The following RGS6 variants were observed in gnomAD, a reference collection of about 807,000 sequenced individuals.
RGS6 encodes regulator of G protein signaling 6.
A neutral mutation model predicts 78.5 loss-of-function variants in RGS6; 30 were observed. That is an observed-to-expected ratio of 0.38 (90% CI 0.29 to 0.52). The LOEUF (loss-of-function observed/expected upper bound fraction) is 0.52, where lower values mean the gene tolerates loss of function less well. RGS6 is among the 20% of genes least tolerant of loss of function. The pLI is 0.85. For synonymous variants in RGS6, 206 were observed against 206.0 expected (o/e 1.00, Z 0.00); for missense variants, 495 against 609.7 (o/e 0.81, Z 1.98).
In RGS6 at chr14:72,540,107, G is replaced by A. The variant is rs1215342468; in HGVS notation, c.1422+13G>A. ...CACTCGCAGTGTGGTAAGTTCAGTC[G>A]GTTTTCTTCCCTCAGCTTTTCTTTT... On this transcript the variant is annotated intron_variant, in intron 17 of 17. Transcript: ENST00000553525. 24 of 1,579,386 alleles carry A rather than the reference G, an allele frequency of 1.5e-5. No homozygotes were observed. The highest frequency in any genetic ancestry group is 3.6e-5 in the Admixed American group (2 of 56,046).
chr14:72,117,977 C>T (rs1166839023), intron 2 of RGS6, among the ~76,000 whole-genome samples: 1 of 152,170 alleles, frequency 6.6e-6, no homozygotes, highest in Non-Finnish European at 1.5e-5. Context: ...CTAGCTCTTT[C>T]CATCTATCCA....
At chr14:72,377,607 T>C (rs1337409370) in intron 3 of RGS6, among the ~76,000 whole-genome samples, 5 of 152,204 alleles carry the variant, frequency 3.3e-5, no homozygotes, top group African/African-American at 9.7e-5. Context: ...GCATTTTTTT[T>C]CATCAGCACG....
At chr14:72,174,546 A>G (rs905027483) in intron 2 of RGS6, among the ~76,000 whole-genome samples, 14 of 152,174 alleles carry the variant, frequency 9.2e-5, no homozygotes, top group Admixed American at 5.9e-4. Flanking sequence ...TCCCCAGAAT[A>G]TATCATGTAA....
At chr14:72,224,093 A>C (rs886601588) in intron 2 of RGS6, among the ~76,000 whole-genome samples, 9 of 152,218 alleles carry the variant, frequency 5.9e-5, no homozygotes, top group African/African-American at 2.2e-4. Context: ...TACAATATTT[A>C]AGAGGAAGAA....
At chr14:72,398,110 A>G (rs576944589) in intron 3 of RGS6, among the ~76,000 whole-genome samples, 93 of 152,288 alleles carry the variant, frequency 6.1e-4, no homozygotes, top group South Asian at 5.2e-3. Context: ...TGATTGGAAT[A>G]GTTTCAGAAG....
chr14:72,598,079 G>A, the RGS6 span, among the ~76,000 whole-genome samples: 3 of 152,232 alleles, frequency 2.0e-5, no homozygotes, highest in South Asian at 2.1e-4. Context: ...GCAGACCAAC[G>A]GAGCTGGAAG....
At chr14:71,975,948 T>C (rs2094099631) in intron 2 of RGS6, among the ~76,000 whole-genome samples, 1 of 152,172 alleles carries the variant, frequency 6.6e-6, no homozygotes, top group South Asian at 2.1e-4. Flanking sequence ...TCTACCGACT[T>C]ATCCTCCAGT....
chr14:72,619,174 T>C, the RGS6 span: 1 of 972,940 alleles, frequency 1.0e-6, no homozygotes, highest in Non-Finnish European at 1.5e-6. Context: ...CCTGCCCCTC[T>C]GGGACTATTT....
chr14:72,137,665 CAGATG>C (rs1221944515), intron 2 of RGS6, among the ~76,000 whole-genome samples: 2 of 152,186 alleles, frequency 1.3e-5, no homozygotes, highest in African/African-American at 4.8e-5. Flanking sequence ...AGTGGACAGC[CAGATG>C]AAGAGATAGA....
intron 3 of RGS6, among the ~76,000 whole-genome samples, chr14:72,356,673 G>T (rs1239040779): frequency 6.6e-6 from 1 of 152,138 alleles, no homozygotes; most frequent in African/African-American, 2.4e-5. Flanking sequence ...AATCATGGGG[G>T]CAGTTACCTC....
intron 2 of RGS6, among the ~76,000 whole-genome samples, chr14:72,235,927 A>G (rs1052912628): frequency 6.6e-5 from 10 of 152,248 alleles, no homozygotes; most frequent in Admixed American, 6.5e-4. Context: ...GGCTATTAAC[A>G]TAATATCTTG....
intron 1 of RGS6, among the ~76,000 whole-genome samples, chr14:71,935,973 G>T (rs2089094965): frequency 7.5e-6 from 1 of 133,152 alleles, no homozygotes; most frequent in Non-Finnish European, 1.6e-5. Flanking sequence ...AAACTAGAGG[G>T]TTAAGTGTAC....
At chr14:72,015,589 A>G (rs1324412517) in intron 2 of RGS6, among the ~76,000 whole-genome samples, 4 of 152,238 alleles carry the variant, frequency 2.6e-5, no homozygotes, top group African/African-American at 4.8e-5. Context: ...AGAAATATGT[A>G]CTAGAGGTTG....
chr14:72,221,368 C>T (rs1041254605), intron 2 of RGS6, among the ~76,000 whole-genome samples: 17 of 152,120 alleles, frequency 1.1e-4, no homozygotes, highest in East Asian at 5.8e-4. Flanking sequence ...TAGGGGTGGC[C>T]GTGGGACCTA....
At chr14:72,034,444 G>T (rs11621871) in intron 2 of RGS6, among the ~76,000 whole-genome samples, 20,980 of 150,378 alleles carry the variant, frequency 0.14, 1,776 homozygotes, top group Non-Finnish European at 0.18. Context: ...GTGGTTTTTA[G>T]CCCCTTATTA....
intron 12 of RGS6, among the ~76,000 whole-genome samples, chr14:72,478,766 G>A (rs922660580): frequency 3.3e-5 from 5 of 152,178 alleles, no homozygotes; most frequent in Admixed American, 6.5e-5. Flanking sequence ...GAAGTGTTCC[G>A]CCTCCACACG....
chr14:71,885,670 AG>A, the RGS6 span, among the ~76,000 whole-genome samples: 1 of 152,216 alleles, frequency 6.6e-6, no homozygotes, highest in East Asian at 1.9e-4. Flanking sequence ...AACATAAACA[AG>A]GGCTGCAAAA....
chr14:72,448,930 A>G (rs1276142542), intron 3 of RGS6, among the ~76,000 whole-genome samples: 3 of 152,286 alleles, frequency 2.0e-5, no homozygotes, highest in East Asian at 3.9e-4. Context: ...ATCATATTGG[A>G]CACAATTATT....
At chr14:72,562,370 T>C in intron 17 of RGS6, 47 bp from the exon 18 acceptor site, 3 of 1,581,212 alleles carry the variant, frequency 1.9e-6, no homozygotes, top group Non-Finnish European at 1.7e-6. Context: ...TCTCTGTCCC[T>C]CTGTGTGTGC....
Sources: allele counts gnomAD v4.1 joint callset (sites outside exome capture counted in the v4.1 genomes callset), GRCh38; gene constraint gnomAD v4.1.1; transcripts MANE v1.5; gene names NCBI Gene and HGNC (gene_info 2026-07-23, HGNC 2026-07-21).